The following PCNT variants were observed in gnomAD, a reference collection of about 807,000 sequenced individuals.
PCNT encodes the protein pericentrin, also known as kendrin.
Under a neutral mutation model 380.4 loss-of-function variants are expected in PCNT, and 319 were observed. The observed-to-expected ratio is 0.84, with a 90% CI of 0.77 to 0.92. The LOEUF (loss-of-function observed/expected upper bound fraction) is 0.92, where lower values mean the gene tolerates loss of function less well. Ranked by LOEUF, PCNT falls within the 40% of genes least tolerant of loss-of-function variation. The pLI is 0.00. For missense variants in PCNT, 4,400 were observed against 4,255.3 expected (o/e 1.03, Z -0.95); for synonymous variants, 1,845 against 1,735.2 (o/e 1.06, Z -1.57).
chr21:46,445,427 CT>C lies in PCNT; in HGVS notation c.*102del. ...CTCGTGGGACAGCATGGGCACTACT[CT>C]TCATGTGCGGTGACACCAGCCCCCA... On this transcript the variant is annotated 3_prime_UTR_variant, in exon 47 of 47. Transcript: ENST00000359568. 1.1e-6 allele frequency: 1 copy of C among 920,804 alleles called. No homozygotes were observed. Among genetic ancestry groups the C allele is most frequent in the Admixed American group, 1.7e-5 (1 of 59,038 alleles). The allele number at this position is 920,804 out of a possible 1,614,324, so 57.0% of individuals were successfully genotyped here.
chr21:46,384,997 A>G (rs372154608), intron 16 of PCNT, among the ~76,000 whole-genome samples: 13 of 152,192 alleles, frequency 8.5e-5, no homozygotes, highest in African/African-American at 3.1e-4. Context: ...AGCCATCACC[A>G]CCATCCATCT....
In PCNT at chr21:46,381,571, C is replaced by T. The variant is rs527798287; in HGVS notation, c.3166-123C>T. 1.6e-4 allele frequency: 144 copies of T among 890,150 alleles called. No individual in the cohort carries two copies. In the South Asian group the frequency reaches 1.8e-3, roughly 11 times the overall value. The allele number at this position is 890,150 out of a possible 1,614,324, so 55.1% of individuals were successfully genotyped here. On this transcript the variant is annotated intron_variant, in intron 15 of 46. Coordinates refer to ENST00000359568, the MANE Select transcript of PCNT (RefSeq NM_006031.6). ...TGATGGGGGCTGTGGTCTGGCTCAT[C>T]CCGGCTCTTGGTGCAGAGTGGGGGC...
chr21:46,394,642 C>T, intron 21 of PCNT: 1 of 312,380 alleles, frequency 3.2e-6, no homozygotes, highest in African/African-American at 2.2e-5. Flanking sequence ...TTGTGGCAAA[C>T]AATAAATACA....
chr21:46,334,297 G>A, intron 2 of PCNT, 100 bp from the exon 3 acceptor site: 1 of 1,539,300 alleles, frequency 6.5e-7, no homozygotes, highest in Non-Finnish European at 9.0e-7. Context: ...CTTGTTAAAT[G>A]AAGTCAGCAC....
intron 15 of PCNT, among the ~76,000 whole-genome samples, chr21:46,377,863 A>C (rs533340343): frequency 9.3e-6 from 1 of 107,916 alleles, no homozygotes; most frequent in South Asian, 3.0e-4. Flanking sequence ...ATCAATGAAA[A>C]TTAAGGAAGA....
intron 11 of PCNT, among the ~76,000 whole-genome samples, chr21:46,354,361 A>G (rs923139561): frequency 2.6e-5 from 4 of 152,230 alleles, no homozygotes; most frequent in African/African-American, 7.2e-5. Context: ...CAGACTTGAC[A>G]GTGGCAGTTC....
At chr21:46,389,162 A>T (rs201476054) in intron 18 of PCNT, 37 bp from the exon 19 acceptor site, 9 of 1,591,338 alleles carry the variant, frequency 5.7e-6, no homozygotes, top group Non-Finnish European at 7.8e-6. Flanking sequence ...CGGCTTGCTC[A>T]CTGAGCCGCG....
chr21:46,440,768 T>C, intron 42 of PCNT, 87 bp from the exon 43 acceptor site: 2 of 850,242 alleles, frequency 2.4e-6, no homozygotes, highest in Non-Finnish European at 2.0e-6. Flanking sequence ...TCTGACTCTT[T>C]GGAAAGAGCA....
At chr21:46,324,717 C>G (rs920350367) in intron 1 of PCNT, 1 of 232,814 alleles carries the variant, frequency 4.3e-6, no homozygotes, top group African/African-American at 2.3e-5. Flanking sequence ...CCCGCGTCCT[C>G]CGGGACCGGG....
At position 46,436,422 on chromosome 21, in the gene PCNT, C is replaced by CTGTG. The variant is rs1242898317; in HGVS notation, c.8996+276_8996+279dup. Among the ~76,000 whole-genome samples the CTGTG allele has an allele frequency of 2.1e-5, 3 of 139,598 alleles. No homozygotes were observed. In the East Asian group the frequency reaches 6.5e-4, roughly 30 times the overall value. 91.6% of individuals were successfully genotyped at this position (139,598 alleles called of 152,430 possible). A position where few individuals can be genotyped will look rare whatever the true frequency, so the allele number is the denominator to read the frequency against. ...GGGTTGGCTTGGTTCTCTTTACACT[C>CTGTG]TGTGTAGTTGCTCACCACCCACAGG... is the stretch of plus-strand genomic sequence containing the variant. On this transcript the variant is annotated intron_variant, in intron 39 of 46. Coordinates refer to ENST00000359568, the MANE Select transcript of PCNT (RefSeq NM_006031.6).
chr21:46,374,103 G>A (rs2147043301), intron 15 of PCNT, among the ~76,000 whole-genome samples: 1 of 152,148 alleles, frequency 6.6e-6, no homozygotes. Context: ...GTGGGGAGGT[G>A]GGATGTACTC....
chr21:46,418,515 C>T (rs1476928980), intron 31 of PCNT, among the ~76,000 whole-genome samples: 1 of 152,188 alleles, frequency 6.6e-6, no homozygotes, highest in Admixed American at 6.5e-5. Context: ...GTTGCTGGCC[C>T]GGGCCACGCT....
rs1268877831 is a variant in PCNT at position 46,382,462 on chromosome 21, A to G, written c.3312+622A>G. Among the ~76,000 whole-genome samples the G allele has an allele frequency of 1.5e-3, 146 of 98,514 alleles. 1 individual carries two copies. The highest frequency in any genetic ancestry group is 0.019 in the Middle Eastern group (2 of 108). 64.6% of individuals were successfully genotyped at this position (98,514 alleles called of 152,430 possible). A position where few individuals can be genotyped will look rare whatever the true frequency, so the allele number is the denominator to read the frequency against. On this transcript the variant is annotated intron_variant, in intron 16 of 46. Coordinates refer to ENST00000359568, the MANE Select transcript of PCNT (RefSeq NM_006031.6). Reference sequence around the variant, plus strand: ...ATTCAGTGGCGGAAGCGCATTCACCATGTTGTATATTCAGTGACGGAAGCG... The same window carrying G: ...ATTCAGTGGCGGAAGCGCATTCACCGTGTTGTATATTCAGTGACGGAAGCG...
At position 46,363,504 on chromosome 21, in the gene PCNT, C is replaced by T. The variant is rs767864228; in HGVS notation, c.2179C>T (p.His727Tyr). 1.9e-6 allele frequency: 3 copies of T among 1,613,276 alleles called. No homozygotes were observed. ...GGTAAAACACAATCTAATTGAAGACCACCAGAAGGAACTAAATAATGCTAA... is the reference window on the plus strand; with the variant it reads ...GGTAAAACACAATCTAATTGAAGACTACCAGAAGGAACTAAATAATGCTAA... ...EKVKHNLIED[H>Y]QKELNNAKQK... Residue 727 changes from histidine (H) to tyrosine (Y), a missense_variant, in exon 14 of 47, where the codon CAC becomes TAC. Coordinates refer to ENST00000359568, the MANE Select transcript of PCNT (RefSeq NM_006031.6).
At chr21:46,415,917 C>A in intron 29 of PCNT, 152 bp from the exon 30 acceptor site, 1 of 714,806 alleles carries the variant, frequency 1.4e-6, no homozygotes, top group Non-Finnish European at 2.4e-6. Flanking sequence ...TTCTGTTTCT[C>A]ATAGAATTAA....
chr21:46,416,768 G>T lies in PCNT; in HGVS notation c.6850G>T (p.Ala2284Ser), dbSNP rs771323511. Reference protein sequence around the residue: ...PGLLCSPGVSAAALALQWAES... With the variant: ...PGLLCSPGVSSAALALQWAES... ...GCTGCTTTGTTCCCCAGGCGTGTCT[G>T]CAGCAGCGCTGGCACTGCAGTGGGC... is the stretch of plus-strand genomic sequence containing the variant. Residue 2284 changes from alanine to serine, a missense_variant, in exon 30 of 47, where the codon GCA becomes TCA. By Grantham distance (99) the Ala-to-Ser change is moderately conservative (BLOSUM62 1). Coordinates refer to ENST00000359568, the MANE Select transcript of PCNT (RefSeq NM_006031.6). The T allele has an allele frequency of 1.2e-6, 2 of 1,603,980 alleles. No homozygotes were observed. The highest frequency in any genetic ancestry group is 2.2e-5 in the South Asian group (2 of 90,690).
chr21:46,332,419 A>G (rs1569159852), intron 2 of PCNT, among the ~76,000 whole-genome samples: 1 of 152,236 alleles, frequency 6.6e-6, no homozygotes, highest in Non-Finnish European at 1.5e-5. Flanking sequence ...GAATAAAGCA[A>G]TAATTTAAAA....
chr21:46,361,718 T>A (rs774464494), intron 13 of PCNT, among the ~76,000 whole-genome samples: 2 of 152,226 alleles, frequency 1.3e-5, no homozygotes, highest in Non-Finnish European at 2.9e-5. Context: ...GTGAAGGATC[T>A]CCTTCAGCAT....
At chr21:46,358,453 C>T (rs915463748) in intron 13 of PCNT, among the ~76,000 whole-genome samples, 6 of 152,196 alleles carry the variant, frequency 3.9e-5, no homozygotes, top group African/African-American at 1.4e-4. Flanking sequence ...GTAAGGACTT[C>T]CAGCAAAATA....
Sources: gnomAD v4.1 joint callset for allele counts (sites outside exome capture counted in the v4.1 genomes callset) on GRCh38, gnomAD v4.1.1 for gene constraint, MANE v1.5 for transcripts, NCBI Gene and HGNC (gene_info 2026-07-23, HGNC 2026-07-21) for gene names.